Variants in ZC2HC1A observed in about 807,000 individuals in gnomAD.
ZC2HC1A encodes the protein zinc finger C2HC-type containing 1A.
A neutral mutation model predicts 40.7 loss-of-function variants in ZC2HC1A; 28 were observed. That is an observed-to-expected ratio of 0.69 (90% CI 0.51 to 0.94). The LOEUF is 0.94. Ranked by LOEUF, ZC2HC1A falls within the 40% of genes least tolerant of loss-of-function variation. ZC2HC1A has a pLI of 0.00. For synonymous variants in ZC2HC1A, 129 were observed against 129.2 expected (o/e 1.00, Z 0.01); for missense variants, 389 against 386.3 (o/e 1.01, Z -0.06).
intron 7 of ZC2HC1A, among the ~76,000 whole-genome samples, chr8:78,713,474 A>C (rs906470974): frequency 3.3e-5 from 5 of 152,164 alleles, no homozygotes; most frequent in Non-Finnish European, 7.4e-5. Flanking sequence ...AAAAAAAAAA[A>C]AAGTGTTCTT....
chr8:78,715,096 G>T, intron 7 of ZC2HC1A, 125 bp from the exon 8 acceptor site: 1 of 757,374 alleles, frequency 1.3e-6, no homozygotes, highest in Non-Finnish European at 2.0e-6. Context: ...AATAATTATT[G>T]GGACTTTAAT....
At chr8:78,712,690 AAG>A (rs1810987752) in intron 7 of ZC2HC1A, among the ~76,000 whole-genome samples, 1 of 152,140 alleles carries the variant, frequency 6.6e-6, no homozygotes, top group African/African-American at 2.4e-5. Flanking sequence ...GCTGGCTGAA[AAG>A]AGTGTGTGGC....
chr8:78,682,354 A>G (rs1326614456), intron 3 of ZC2HC1A, among the ~76,000 whole-genome samples: 1 of 147,868 alleles, frequency 6.8e-6, no homozygotes, highest in African/African-American at 2.7e-5. Context: ...TGGGTAATTT[A>G]TAAAGAAAAG....
At chr8:78,677,606 A>G (rs1809623473) in intron 2 of ZC2HC1A, among the ~76,000 whole-genome samples, 1 of 151,058 alleles carries the variant, frequency 6.6e-6, no homozygotes, top group Admixed American at 6.6e-5. Context: ...TATTCTTTGT[A>G]TTTTCTTTTT....
intron 7 of ZC2HC1A, among the ~76,000 whole-genome samples, chr8:78,712,946 G>T (rs2130607784): frequency 6.6e-6 from 1 of 152,270 alleles, no homozygotes; most frequent in East Asian, 1.9e-4. Flanking sequence ...GGTAGGAGAA[G>T]TCTTTAAGAT....
In ZC2HC1A at chr8:78,716,693, A is replaced by C. The variant is rs184866759; in HGVS notation, c.813-635A>C. 2.4e-3 allele frequency among the ~76,000 whole-genome samples: 363 copies of C among 152,182 alleles called. 2 individuals carry two copies. The highest frequency in any genetic ancestry group is 8.1e-3 in the African/African-American group (338 of 41,510). On this transcript the variant is annotated intron_variant, in intron 8 of 8. Transcript: ENST00000263849. ...GCTCCCAGTGTAGTAAATTCCTAGC[A>C]CAAAGAACAGATGGAAAGCGATGTG...
chr8:78,692,878 C>T (rs1810257050), intron 5 of ZC2HC1A, among the ~76,000 whole-genome samples: 1 of 152,078 alleles, frequency 6.6e-6, no homozygotes, highest in South Asian at 2.1e-4. Context: ...CTATCCCTCC[C>T]CACTCCCCCC....
intron 5 of ZC2HC1A, among the ~76,000 whole-genome samples, chr8:78,695,814 G>T (rs1810381332): frequency 6.6e-6 from 1 of 152,126 alleles, no homozygotes; most frequent in Admixed American, 6.5e-5. Context: ...TTTTTCAGGT[G>T]CTGGCATAAT....
chr8:78,715,277 C>A lies in ZC2HC1A; in HGVS notation c.761C>A (p.Pro254Gln). ...TPPSLARNPAPGVLTNKRKTY... is the reference protein window; with the variant it reads ...TPPSLARNPAQGVLTNKRKTY... Reference sequence around the variant, plus strand: ...CCTAGTTTGGCAAGAAATCCTGCCCCAGGTGTGCTTACAAACAAAAGAAAA... The same window carrying A: ...CCTAGTTTGGCAAGAAATCCTGCCCAAGGTGTGCTTACAAACAAAAGAAAA... The change falls in exon 8 of 9, where the codon CCA becomes CAA. Residue 254 changes from proline (P) to glutamine (Q), a missense_variant. By Grantham distance (76) the Pro-to-Gln change is moderately conservative. Transcript: ENST00000263849. The A allele has an allele frequency of 6.2e-7, 1 of 1,613,886 alleles. No homozygotes were observed.
chr8:78,704,220 TA>T (rs903702675), intron 7 of ZC2HC1A, among the ~76,000 whole-genome samples: 31 of 148,874 alleles, frequency 2.1e-4, no homozygotes, highest in African/African-American at 5.4e-4. Context: ...TGTCTCTATT[TA>T]AAAAAAAAAT....
At chr8:78,682,025 G>A (rs1207796114) in intron 3 of ZC2HC1A, among the ~76,000 whole-genome samples, 1 of 151,446 alleles carries the variant, frequency 6.6e-6, no homozygotes, top group African/African-American at 2.4e-5. Context: ...TTACAGGCAT[G>A]AGCCGTCATA....
At chr8:78,671,856 C>T (rs1265165761) in intron 1 of ZC2HC1A, among the ~76,000 whole-genome samples, 1 of 152,076 alleles carries the variant, frequency 6.6e-6, no homozygotes, top group African/African-American at 2.4e-5. Flanking sequence ...TATATATAAA[C>T]TTTATTTAAA....
chr8:78,686,386 G>A, intron 3 of ZC2HC1A, 81 bp from the exon 4 acceptor site: 5 of 1,104,564 alleles, frequency 4.5e-6, no homozygotes, highest in Non-Finnish European at 5.9e-6. Flanking sequence ...AAATGATATG[G>A]AATTATCTGA....
At chr8:78,676,069 G>T in intron 2 of ZC2HC1A, 2 of 355,802 alleles carry the variant, frequency 5.6e-6, no homozygotes, top group Non-Finnish European at 1.0e-5. Context: ...GAACTCTTCT[G>T]TTAAAGTTTA....
chr8:78,676,409 T>C (rs1278616535), intron 2 of ZC2HC1A, among the ~76,000 whole-genome samples: 1 of 152,024 alleles, frequency 6.6e-6, no homozygotes, highest in Non-Finnish European at 1.5e-5. Context: ...TCTTAAGATA[T>C]GTTAGCTACT....
At chr8:78,685,469 T>C (rs1809940064) in intron 3 of ZC2HC1A, among the ~76,000 whole-genome samples, 1 of 152,154 alleles carries the variant, frequency 6.6e-6, no homozygotes, top group South Asian at 2.1e-4. Context: ...AATTAAAACA[T>C]AATTATGCAT....
At chr8:78,712,646 C>T (rs1432436205) in intron 7 of ZC2HC1A, among the ~76,000 whole-genome samples, 3 of 152,006 alleles carry the variant, frequency 2.0e-5, no homozygotes, top group Admixed American at 6.6e-5. Flanking sequence ...GAGTCAAGCT[C>T]GAGGAAGAGT....
chr8:78,689,517 G>A, intron 5 of ZC2HC1A, 144 bp downstream of exon 5: 4 of 722,836 alleles, frequency 5.5e-6, no homozygotes, highest in East Asian at 3.4e-5. Flanking sequence ...TATAAAAGTT[G>A]TATGCTTTTA....
At chr8:78,690,355 T>A (rs1025438903) in intron 5 of ZC2HC1A, among the ~76,000 whole-genome samples, 1 of 152,150 alleles carries the variant, frequency 6.6e-6, no homozygotes, top group Non-Finnish European at 1.5e-5. Flanking sequence ...TGTCAGGAGA[T>A]AAAGACCATC....
Sources: gnomAD v4.1 joint callset for allele counts (sites outside exome capture counted in the v4.1 genomes callset) on GRCh38, gnomAD v4.1.1 for gene constraint, MANE v1.5 for transcripts, NCBI Gene and HGNC (gene_info 2026-07-23, HGNC 2026-07-21) for gene names.